The following CAPN13 variants were observed in gnomAD, a reference collection of about 807,000 sequenced individuals.
CAPN13 encodes the protein calpain-13.
Under a neutral mutation model 98.4 loss-of-function variants are expected in CAPN13, and 90 were observed. The observed-to-expected ratio is 0.92, with a 90% CI of 0.77 to 1.09. The LOEUF (loss-of-function observed/expected upper bound fraction) is 1.09, where lower values mean the gene tolerates loss of function less well. CAPN13 is among the 50% of genes least tolerant of loss of function. CAPN13 has a pLI of 0.00. For missense variants in CAPN13, 887 were observed against 841.3 expected (o/e 1.05, Z -0.67); for synonymous variants, 330 against 305.5 (o/e 1.08, Z -0.84).
intron 7 of CAPN13, among the ~76,000 whole-genome samples, chr2:30,761,310 A>G (rs1448907888): frequency 6.6e-6 from 1 of 152,162 alleles, no homozygotes; most frequent in Admixed American, 6.5e-5. Flanking sequence ...ACCACTCGGT[A>G]TATTATTGAA....
chr2:30,775,469 T>G lies in CAPN13; in HGVS notation c.387+461A>C, dbSNP rs192278193. Reference sequence around the variant, plus strand: ...CATTGTGTATCACAGTGGCTTTTTTTAAAAAAAATAGACAAAATAATTTTA... The same window carrying G: ...CATTGTGTATCACAGTGGCTTTTTTGAAAAAAAATAGACAAAATAATTTTA... On this transcript the variant is annotated intron_variant, in intron 4 of 22. Coordinates refer to ENST00000295055, the MANE Select transcript of CAPN13 (RefSeq NM_144575.3). Among the ~76,000 whole-genome samples the G allele has an allele frequency of 9.8e-4, 149 of 152,052 alleles. 1 individual carries two copies. The highest frequency in any genetic ancestry group is 3.4e-3 in the African/African-American group (142 of 41,488).
chr2:30,735,359 C>T (rs1671306086), intron 18 of CAPN13, among the ~76,000 whole-genome samples: 1 of 152,202 alleles, frequency 6.6e-6, no homozygotes, highest in Admixed American at 6.5e-5. Context: ...AAGCAAAGTA[C>T]CCACACACAG....
In CAPN13 at chr2:30,732,515, A is replaced by C. The variant is rs778039868; in HGVS notation, c.1850T>G (p.Leu617Arg). The C allele has an allele frequency of 1.2e-5, 19 of 1,612,094 alleles. No individual in the cohort carries two copies. In the South Asian group the frequency reaches 2.1e-4, roughly 18 times the overall value. ...ISRELLHLVT[L>R]RYSDSVGRVS... is the part of the protein sequence containing the mutation. ...CCTGCCGACGCTGTCGCTGTACCTG[A>C]GGGTCACCAGATGCAGCAGCTCACG... The change falls in exon 20 of 23, where the codon CTC becomes CGC. Residue 617 changes from leucine (L) to arginine (R), a missense_variant. Transcript: ENST00000295055.
At chr2:30,805,287 G>A (rs1283783704) in intron 1 of CAPN13, among the ~76,000 whole-genome samples, 1 of 152,154 alleles carries the variant, frequency 6.6e-6, no homozygotes, top group East Asian at 1.9e-4. Flanking sequence ...CAGTCCAGAG[G>A]GGCCCTGCTT....
chr2:30,755,119 A>C (rs1672376420), intron 8 of CAPN13, among the ~76,000 whole-genome samples: 1 of 151,564 alleles, frequency 6.6e-6, no homozygotes, highest in African/African-American at 2.4e-5. Flanking sequence ...ATTTCCTTAA[A>C]ACACCACCCC....
At chr2:30,767,629 T>C (rs181317306) in intron 5 of CAPN13, among the ~76,000 whole-genome samples, 42 of 152,284 alleles carry the variant, frequency 2.8e-4, no homozygotes, top group Non-Finnish European at 8.8e-5. Context: ...AACATGTGGA[T>C]TGGTTCAACA....
intron 20 of CAPN13, 98 bp from the exon 21 acceptor site, chr2:30,731,497 A>C: frequency 9.7e-7 from 1 of 1,032,516 alleles, no homozygotes; most frequent in Non-Finnish European, 1.4e-6. Flanking sequence ...ACAGGAGGTG[A>C]TTCTGTAAAG....
chr2:30,802,542 TGGGG>T (rs56730178), intron 1 of CAPN13, among the ~76,000 whole-genome samples: 3,569 of 114,686 alleles, frequency 0.031, 176 homozygotes, highest in African/African-American at 0.11. Context: ...AAAGGCAGGC[TGGGG>T]GGGGGGGGTG....
chr2:30,731,068 T>TTAATGTA (rs1301857029), intron 21 of CAPN13, among the ~76,000 whole-genome samples: 1 of 152,238 alleles, frequency 6.6e-6, no homozygotes, highest in East Asian at 1.9e-4. Flanking sequence ...TACAGTGAGC[T>TTAATGTA]CAGCGGGCTG....
chr2:30,751,950 G>A (rs1967560), intron 10 of CAPN13, among the ~76,000 whole-genome samples: 53,304 of 152,154 alleles, frequency 0.35, 10,734 homozygotes, highest in East Asian at 0.53. Flanking sequence ...CCATTGTAAC[G>A]TATTACTAAA....
intron 5 of CAPN13, among the ~76,000 whole-genome samples, chr2:30,769,572 G>A (rs1468685714): frequency 1.3e-5 from 2 of 152,176 alleles, no homozygotes; most frequent in African/African-American, 4.8e-5. Context: ...GTCAGTCTGA[G>A]AGCATCTGTC....
At chr2:30,753,613 C>CT (rs79291397) in intron 9 of CAPN13, among the ~76,000 whole-genome samples, 14,471 of 152,168 alleles carry the variant, frequency 0.095, 903 homozygotes, top group East Asian at 0.24. Context: ...GATTCCACAC[C>CT]TAAAATCCCA....
At chr2:30,795,063 T>C (rs1674787446) in intron 1 of CAPN13, among the ~76,000 whole-genome samples, 1 of 151,992 alleles carries the variant, frequency 6.6e-6, no homozygotes, top group African/African-American at 2.4e-5. Flanking sequence ...TATATATAAT[T>C]TATATAGTCT....
chr2:30,730,996 A>G (rs755832987), intron 21 of CAPN13, among the ~76,000 whole-genome samples: 26 of 152,132 alleles, frequency 1.7e-4, no homozygotes, highest in Non-Finnish European at 3.1e-4. Context: ...AGACGTATAT[A>G]TCTTAGGTCT....
intron 11 of CAPN13, chr2:30,746,366 C>G (rs1056373556): frequency 2.0e-5 from 3 of 153,298 alleles, no homozygotes; most frequent in South Asian, 2.0e-4. Flanking sequence ...AATCTGCAGA[C>G]GAGTTTTAAC....
intron 1 of CAPN13, among the ~76,000 whole-genome samples, chr2:30,796,853 T>G (rs1239723614): frequency 6.6e-6 from 1 of 152,188 alleles, no homozygotes; most frequent in Non-Finnish European, 1.5e-5. Flanking sequence ...AAGGCACTGC[T>G]CTAGACAGGC....
At chr2:30,729,641 C>CT (rs1175223825) in intron 22 of CAPN13, 1 of 152,178 alleles carries the variant, frequency 6.6e-6, no homozygotes, top group African/African-American at 2.4e-5. Flanking sequence ...GTCAAATTAA[C>CT]TATGATCTCT....
intron 6 of CAPN13, 109 bp downstream of exon 6, chr2:30,764,023 G>C (rs1284871890): frequency 8.9e-7 from 1 of 1,127,678 alleles, no homozygotes; most frequent in African/African-American, 1.5e-5. Flanking sequence ...ATCAGTGTTC[G>C]TTAATGGTGG....
At chr2:30,748,204 C>G (rs981027256) in intron 11 of CAPN13, among the ~76,000 whole-genome samples, 1 of 152,200 alleles carries the variant, frequency 6.6e-6, no homozygotes, top group Admixed American at 6.5e-5. Context: ...CCTGGCTGGG[C>G]AGACCAGGGG....
Sources: gnomAD v4.1 joint callset for allele counts (sites outside exome capture counted in the v4.1 genomes callset) on GRCh38, gnomAD v4.1.1 for gene constraint, MANE v1.5 for transcripts, NCBI Gene and HGNC (gene_info 2026-07-23, HGNC 2026-07-21) for gene names.